Variants in KPNA3 observed in about 807,000 individuals in gnomAD.
KPNA3 encodes karyopherin subunit alpha 3, also known as importin subunit alpha-4.
In KPNA3, 13 loss-of-function variants were observed where a neutral mutation model predicts 73.8. That is an observed-to-expected ratio of 0.18 (90% CI 0.11 to 0.28). The LOEUF (loss-of-function observed/expected upper bound fraction) is 0.28, where lower values mean the gene tolerates loss of function less well. Ranked by LOEUF, KPNA3 falls within the 10% of genes least tolerant of loss-of-function variation. The probability of loss-of-function intolerance (pLI) is 1.00; values close to 1 mark genes in which losing one functional copy is unlikely to be tolerated. For synonymous variants in KPNA3, 186 were observed against 206.9 expected (o/e 0.90, Z 0.87); for missense variants, 360 against 618.1 (o/e 0.58, Z 4.43).
At chr13:49,725,623 C>A in intron 6 of KPNA3, 122 bp from the exon 7 acceptor site, 1 of 545,454 alleles carries the variant, frequency 1.8e-6, no homozygotes, top group Non-Finnish European at 3.0e-6. Flanking sequence ...TGTTATAATC[C>A]AATTGCCTGC....
intron 2 of KPNA3, among the ~76,000 whole-genome samples, chr13:49,742,735 G>A (rs925281792): frequency 2.6e-4 from 39 of 151,884 alleles, no homozygotes; most frequent in African/African-American, 8.9e-4. Flanking sequence ...TTCCAAATCC[G>A]TGAACATGGG....
At chr13:49,722,221 T>C (rs1954366575) in intron 8 of KPNA3, 97 bp from the exon 9 acceptor site, 6 of 869,700 alleles carry the variant, frequency 6.9e-6, no homozygotes, top group Non-Finnish European at 8.5e-6. Flanking sequence ...TGACGTTCTA[T>C]GTTTCCTCAC....
chr13:49,756,648 T>C (rs994894399), intron 1 of KPNA3, among the ~76,000 whole-genome samples: 41 of 152,342 alleles, frequency 2.7e-4, no homozygotes, highest in African/African-American at 8.4e-4. Flanking sequence ...CTCATACTGA[T>C]ATACAGGTTT....
At position 49,730,937 on chromosome 13, in the gene KPNA3, C is replaced by T. The variant is rs550953997; in HGVS notation, c.383+1434G>A. Among the ~76,000 whole-genome samples, 111 of 149,376 alleles carry T rather than the reference C, an allele frequency of 7.4e-4. 1 individual carries two copies. Among genetic ancestry groups the T allele is most frequent in the Middle Eastern group, 3.6e-3 (1 of 276 alleles). On this transcript the variant is annotated intron_variant, in intron 6 of 16. Transcript: ENST00000261667. ...GACTACATGCGCCTGCCACCACGCC[C>T]GGCTGATTTTTTTTAATATTTTTTA...
At chr13:49,704,420 AAAT>A (rs1289911529) in intron 15 of KPNA3, among the ~76,000 whole-genome samples, 3 of 109,358 alleles carry the variant, frequency 2.7e-5, no homozygotes, top group Non-Finnish European at 5.9e-5. Context: ...CTCAAAAAAA[AAAT>A]AAATAAATAA....
chr13:49,706,718 C>T (rs1039107048), intron 12 of KPNA3, among the ~76,000 whole-genome samples: 2 of 151,582 alleles, frequency 1.3e-5, no homozygotes, highest in East Asian at 3.9e-4. Flanking sequence ...CTCTAAAAGA[C>T]AGAAATAAAT....
At chr13:49,767,192 G>A (rs1204347095) in intron 1 of KPNA3, among the ~76,000 whole-genome samples, 4 of 151,532 alleles carry the variant, frequency 2.6e-5, no homozygotes, top group Non-Finnish European at 4.4e-5. Flanking sequence ...CGAGGTGGGC[G>A]GATCACTTGA....
intron 1 of KPNA3, among the ~76,000 whole-genome samples, chr13:49,788,736 TTTA>T (rs370015024): frequency 0.032 from 2,519 of 77,856 alleles, 21 homozygotes; most frequent in Non-Finnish European, 0.063. Flanking sequence ...TTTTTTTTTT[TTTA>T]AAAAAAAAAA....
chr13:49,704,078 C>T (rs929592222), intron 15 of KPNA3, among the ~76,000 whole-genome samples: 4 of 152,186 alleles, frequency 2.6e-5, no homozygotes, highest in Non-Finnish European at 4.4e-5. Context: ...CAACCTACTT[C>T]TGTCACCTTG....
intron 7 of KPNA3, among the ~76,000 whole-genome samples, chr13:49,723,802 G>A (rs187469672): frequency 3.3e-5 from 5 of 150,826 alleles, no homozygotes; most frequent in Non-Finnish European, 5.9e-5. Context: ...CCCAGGAGAC[G>A]GAAGTTGCAG....
chr13:49,779,789 T>C (rs1954926215), intron 1 of KPNA3, among the ~76,000 whole-genome samples: 1 of 152,208 alleles, frequency 6.6e-6, no homozygotes, highest in Non-Finnish European at 1.5e-5. Context: ...TAGCTCATCA[T>C]GATCTAGCTT....
chr13:49,760,121 C>T (rs1242170263), intron 1 of KPNA3, among the ~76,000 whole-genome samples: 3 of 152,144 alleles, frequency 2.0e-5, no homozygotes, highest in Admixed American at 6.5e-5. Flanking sequence ...TGTCAAGTGA[C>T]ATGATAAGAT....
At chr13:49,729,005 G>A (rs1179000813) in intron 6 of KPNA3, among the ~76,000 whole-genome samples, 2 of 152,278 alleles carry the variant, frequency 1.3e-5, no homozygotes, top group Admixed American at 6.5e-5. Context: ...AAAAGACTGC[G>A]CTGACATGGT....
At chr13:49,727,159 T>C (rs1954417256) in intron 6 of KPNA3, among the ~76,000 whole-genome samples, 1 of 151,576 alleles carries the variant, frequency 6.6e-6, no homozygotes, top group African/African-American at 2.4e-5. Flanking sequence ...ATCAAAAGGT[T>C]AAAGAAGTCC....
chr13:49,782,460 C>G (rs906740458), intron 1 of KPNA3, among the ~76,000 whole-genome samples: 2 of 152,178 alleles, frequency 1.3e-5, no homozygotes, highest in African/African-American at 2.4e-5. Context: ...ATAGAACTTA[C>G]CACACTGTAC....
At chr13:49,754,701 A>G (rs544629157) in intron 1 of KPNA3, among the ~76,000 whole-genome samples, 1 of 152,020 alleles carries the variant, frequency 6.6e-6, no homozygotes, top group African/African-American at 2.4e-5. Flanking sequence ...AAAAGGTACT[A>G]TCACTACAGA....
In KPNA3 at chr13:49,752,234, T is replaced by C. The variant is rs78736524; in HGVS notation, c.70-5241A>G. Among the ~76,000 whole-genome samples the C allele has an allele frequency of 9.4e-3, 1,434 of 152,046 alleles. 18 individuals carry two copies. Among genetic ancestry groups the C allele is most frequent in the African/African-American group, 0.032 (1,324 of 41,462 alleles). ...CCTCTTCCTGGACAATGTCCTACAATGAACAGAGCCAGACCTCAGAAAATA... is the reference window on the plus strand; with the variant it reads ...CCTCTTCCTGGACAATGTCCTACAACGAACAGAGCCAGACCTCAGAAAATA... On this transcript the variant is annotated intron_variant, in intron 1 of 16. Coordinates refer to ENST00000261667, the MANE Select transcript of KPNA3 (RefSeq NM_002267.4).
At chr13:49,725,365 C>T in intron 7 of KPNA3, 51 bp downstream of exon 7, 2 of 1,030,066 alleles carry the variant, frequency 1.9e-6, no homozygotes, top group South Asian at 1.6e-5. Flanking sequence ...AACTCTACTT[C>T]CTTGCCATCA....
chr13:49,718,423 T>C (rs947200788), intron 10 of KPNA3, among the ~76,000 whole-genome samples: 1 of 152,190 alleles, frequency 6.6e-6, no homozygotes, highest in Non-Finnish European at 1.5e-5. Context: ...ACTGCCACTT[T>C]AATACCCCAG....
Sources: gnomAD v4.1 joint callset for allele counts (sites outside exome capture counted in the v4.1 genomes callset) on GRCh38, gnomAD v4.1.1 for gene constraint, MANE v1.5 for transcripts, NCBI Gene and HGNC (gene_info 2026-07-23, HGNC 2026-07-21) for gene names.